Variants in BUB1 observed in about 807,000 individuals in gnomAD.
BUB1 encodes BUB1 mitotic checkpoint serine/threonine kinase, also known as mitotic checkpoint serine/threonine-protein kinase BUB1.
Under a neutral mutation model 135.2 loss-of-function variants are expected in BUB1, and 84 were observed. The observed-to-expected ratio is 0.62, with a 90% CI of 0.52 to 0.74. BUB1 has a LOEUF of 0.74. Among genes scored for constraint, BUB1 ranks in the 30% least tolerant of loss-of-function variants. The pLI, the probability that BUB1 is intolerant of heterozygous loss-of-function variation, is 0.00. For missense variants in BUB1, 1,162 were observed against 1,288.3 expected (o/e 0.90, Z 1.50); for synonymous variants, 403 against 434.4 (o/e 0.93, Z 0.90).
intron 1 of BUB1, among the ~76,000 whole-genome samples, chr2:110,676,179 C>CTAT (rs1172702679): frequency 8.6e-5 from 13 of 151,748 alleles, no homozygotes; most frequent in Admixed American, 8.5e-4. Flanking sequence ...GAGAAAAAAA[C>CTAT]TATTAACCTA....
intron 16 of BUB1, among the ~76,000 whole-genome samples, 171 bp from the exon 17 acceptor site, chr2:110,653,694 A>G (rs1014590487): frequency 6.6e-6 from 1 of 152,170 alleles, no homozygotes; most frequent in Non-Finnish European, 1.5e-5. Context: ...AAATGGGAGG[A>G]AAAAATCACT....
At chr2:110,649,120 T>G in intron 19 of BUB1, 114 bp downstream of exon 19, 2 of 989,586 alleles carry the variant, frequency 2.0e-6, no homozygotes, top group Non-Finnish European at 2.9e-6. Flanking sequence ...CAACTCCCTA[T>G]TGGAGGTTGG....
intron 13 of BUB1, among the ~76,000 whole-genome samples, 158 bp downstream of exon 13, chr2:110,658,252 G>A (rs1432454010): frequency 1.3e-5 from 2 of 150,428 alleles, no homozygotes; most frequent in African/African-American, 4.9e-5. Context: ...CACACATTGA[G>A]TACCTTGTCA....
intron 5 of BUB1, 77 bp from the exon 6 acceptor site, chr2:110,669,630 CCT>C (rs1690363595): frequency 3.4e-6 from 3 of 890,970 alleles, no homozygotes; most frequent in Non-Finnish European, 5.4e-6. Context: ...AATAAATTCC[CCT>C]GATCCTTCCA....
At chr2:110,676,754 G>A (rs949799493) in intron 1 of BUB1, 1 of 151,976 alleles carries the variant, frequency 6.6e-6, no homozygotes, top group Non-Finnish European at 1.5e-5. Flanking sequence ...GTATACAAAC[G>A]TGCAGACATT....
In BUB1 at chr2:110,667,695, C is replaced by T. The variant is rs776622362; in HGVS notation, c.631G>A (p.Val211Met). 1.5e-5 allele frequency: 24 copies of T among 1,612,452 alleles called. 2 individuals are homozygous for T. In the South Asian group the frequency reaches 2.7e-4, roughly 18 times the overall value. The change falls in exon 8 of 25, where the codon GTG (valine) becomes ATG (methionine). Residue 211 changes from valine (V) to methionine (M), a missense_variant. Coordinates refer to ENST00000302759, the MANE Select transcript of BUB1 (RefSeq NM_004336.5). ...TATTCTGATTTAGAAATCGTGATCA[C>T]TCTTCGTTCCCTACAATGGGGGAAA... ...CDKESNMERR[V>M]ITISKSEYSV...
At chr2:110,664,867 A>G (rs1300623607) in intron 9 of BUB1, among the ~76,000 whole-genome samples, 3 of 152,254 alleles carry the variant, frequency 2.0e-5, no homozygotes, top group Non-Finnish European at 4.4e-5. Flanking sequence ...AAAAATGTCC[A>G]AATCTACCTA....
Position 110,657,074 on chromosome 2 carries a change from C to T in BUB1, c.1660G>A (p.Gly554Arg). Reference sequence around the variant, plus strand: ...GGAAGTCTGCTGACAGAGCGTTCTCCAAAGGTCCTGGCTCCTGTGGGTTTA... The same window carrying T: ...GGAAGTCTGCTGACAGAGCGTTCTCTAAAGGTCCTGGCTCCTGTGGGTTTA... ...KNKPTGARTFGERSVSRLPSK... is the reference protein window; with the variant it reads ...KNKPTGARTFRERSVSRLPSK... The change falls in exon 15 of 25, where the codon GGA (glycine) becomes AGA (arginine). Residue 554 changes from glycine to arginine, a missense_variant. Coordinates refer to ENST00000302759, the MANE Select transcript of BUB1 (RefSeq NM_004336.5). 2 of 1,613,242 alleles carry T rather than the reference C, an allele frequency of 1.2e-6. No individual in the cohort carries two copies. The highest frequency in any genetic ancestry group is 1.7e-6 in the Non-Finnish European group (2 of 1,179,540).
chr2:110,638,241 C>G, intron 24 of BUB1, 82 bp from the exon 25 acceptor site: 1 of 1,118,174 alleles, frequency 8.9e-7, no homozygotes, highest in Non-Finnish European at 1.2e-6. Flanking sequence ...CTGACTTCCA[C>G]AGGCTTGGAC....
intron 9 of BUB1, among the ~76,000 whole-genome samples, chr2:110,663,399 G>A (rs1690153347): frequency 6.6e-6 from 1 of 152,152 alleles, no homozygotes; most frequent in East Asian, 1.9e-4. Flanking sequence ...TTTAGTACAT[G>A]GTAAAGATAT....
At chr2:110,653,074 T>C (rs550762793) in intron 17 of BUB1, among the ~76,000 whole-genome samples, 2 of 152,376 alleles carry the variant, frequency 1.3e-5, no homozygotes, top group Non-Finnish European at 2.9e-5. Flanking sequence ...TTAGTTGCTA[T>C]GTCTCTTTAC....
At chr2:110,644,704 A>G (rs1449821928) in intron 19 of BUB1, among the ~76,000 whole-genome samples, 1 of 152,198 alleles carries the variant, frequency 6.6e-6, no homozygotes, top group Non-Finnish European at 1.5e-5. Context: ...AAAGATAAGA[A>G]TTACACAGGA....
Position 110,658,751 on chromosome 2 carries a change from G to A in BUB1, c.1277-9C>T, listed in dbSNP as rs1225522184. 4 of 1,613,770 alleles carry A rather than the reference G, an allele frequency of 2.5e-6. No homozygotes were observed. The highest frequency in any genetic ancestry group is 2.7e-5 in the African/African-American group (2 of 74,898). ...CTTATGTGTTTCACACCCTAGCAAAGAAATGGAGACAAAATGTGGTATCAG... is the reference window on the plus strand; with the variant it reads ...CTTATGTGTTTCACACCCTAGCAAAAAAATGGAGACAAAATGTGGTATCAG... On this transcript the variant is annotated splice_polypyrimidine_tract_variant and intron_variant, in intron 11 of 24. Transcript: ENST00000302759.
rs1352966962 is a variant in BUB1, at chr2:110,639,755, C to T, written c.3049G>A (p.Gly1017Ser). 6.2e-7 allele frequency: 1 copy of T among 1,612,564 alleles called. No individual in the cohort carries two copies. The highest frequency in any genetic ancestry group is 8.5e-7 in the Non-Finnish European group (1 of 1,178,738). ...GCTAATACTCACCTTCTAAAAAGAC[C>T]TTCAGGCTTACACTCTCCTCCTTCA... ...KNEGGECKPEGLFRRLPHLDM... is the reference protein window; with the variant it reads ...KNEGGECKPESLFRRLPHLDM... The change falls in exon 24 of 25, where the codon GGT becomes AGT. Residue 1017 changes from glycine to serine, a missense_variant. Gly to Ser is a moderately conservative substitution (Grantham distance 56, BLOSUM62 0). Transcript: ENST00000302759.
chr2:110,664,627 TGAG>T (rs1690196316), intron 9 of BUB1, among the ~76,000 whole-genome samples: 1 of 147,846 alleles, frequency 6.8e-6, no homozygotes, highest in African/African-American at 2.5e-5. Context: ...GCCTTCGAAA[TGAG>T]GACAGTAAGG....
intron 11 of BUB1, among the ~76,000 whole-genome samples, chr2:110,659,348 T>C (rs1690016937): frequency 6.6e-6 from 1 of 152,216 alleles, no homozygotes; most frequent in East Asian, 1.9e-4. Flanking sequence ...GACTGAAATT[T>C]CAACCCCATA....
chr2:110,663,096 T>C (rs1018477140), intron 9 of BUB1, among the ~76,000 whole-genome samples: 1 of 152,042 alleles, frequency 6.6e-6, no homozygotes, highest in Admixed American at 6.6e-5. Context: ...CTGGCCAACA[T>C]AGTGAAACCT....
chr2:110,657,074 C>G lies in BUB1; in HGVS notation c.1660G>C (p.Gly554Arg). The change falls in exon 15 of 25, where the codon GGA becomes CGA. Residue 554 changes from glycine (G) to arginine (R), a missense_variant. Gly to Arg is a moderately radical substitution (Grantham distance 125, BLOSUM62 -2). Transcript: ENST00000302759. ...KNKPTGARTF[G>R]ERSVSRLPSK... ...GGAAGTCTGCTGACAGAGCGTTCTCCAAAGGTCCTGGCTCCTGTGGGTTTA... is the reference window on the plus strand; with the variant it reads ...GGAAGTCTGCTGACAGAGCGTTCTCGAAAGGTCCTGGCTCCTGTGGGTTTA... 1 of 1,613,242 alleles carries G rather than the reference C, an allele frequency of 6.2e-7. No individual in the cohort carries two copies. The highest frequency in any genetic ancestry group is 2.2e-5 in the East Asian group (1 of 44,818).
At chr2:110,651,435 A>G (rs945383863) in intron 17 of BUB1, among the ~76,000 whole-genome samples, 28 of 152,210 alleles carry the variant, frequency 1.8e-4, no homozygotes, top group Non-Finnish European at 3.7e-4. Context: ...TAAAGAAAAA[A>G]TATTTTTGTA....
Sources: gnomAD v4.1 joint callset for allele counts (sites outside exome capture counted in the v4.1 genomes callset) on GRCh38, gnomAD v4.1.1 for gene constraint, MANE v1.5 for transcripts, NCBI Gene and HGNC (gene_info 2026-07-23, HGNC 2026-07-21) for gene names.